Variants in FILIP1 observed in about 807,000 individuals in gnomAD.
FILIP1 encodes the protein filamin-A-interacting protein 1.
FILIP1 carries 61 observed loss-of-function variants against 102.1 expected under a neutral mutation model. That is an observed-to-expected ratio of 0.60 (90% CI 0.49 to 0.74). The LOEUF is 0.74. Ranked by LOEUF, FILIP1 falls within the 30% of genes least tolerant of loss-of-function variation. The probability of loss-of-function intolerance (pLI) is 0.00; values close to 1 mark genes in which losing one functional copy is unlikely to be tolerated. For synonymous variants in FILIP1, 491 were observed against 526.9 expected, an observed-to-expected ratio of 0.93 and a Z score of 0.93; for missense variants, 1,314 against 1,441.2, an observed-to-expected ratio of 0.91 and a Z score of 1.43.
downstream of FILIP1, among the ~76,000 whole-genome samples, chr6:75,304,967 G>A (rs1772939690): frequency 1.3e-5 from 2 of 152,204 alleles, no homozygotes; most frequent in South Asian, 4.1e-4. Flanking sequence ...GCTCACCTGG[G>A]CATGGAAGGA....
At chr6:75,372,736 A>AAAAG (rs1775603696) in intron 2 of FILIP1, among the ~76,000 whole-genome samples, 1 of 33,986 alleles carries the variant, frequency 2.9e-5, no homozygotes, top group Admixed American at 2.5e-4. Flanking sequence ...AAGAGAAAGA[A>AAAAG]AGAAAGAAAG....
intron 6 of FILIP1, among the ~76,000 whole-genome samples, chr6:75,298,151 G>T (rs190384736): frequency 1.8e-4 from 27 of 152,264 alleles, no homozygotes; most frequent in Admixed American, 1.4e-3. Flanking sequence ...CTCCATCATA[G>T]TAATAAGGGT....
chr6:75,491,603 A>C (rs551398574), intron 1 of FILIP1, among the ~76,000 whole-genome samples: 2 of 152,264 alleles, frequency 1.3e-5, no homozygotes, highest in East Asian at 3.9e-4. Context: ...TGGCAATGGA[A>C]TCTAACAACT....
chr6:75,471,282 T>C (rs963488983), intron 1 of FILIP1, among the ~76,000 whole-genome samples: 2 of 151,928 alleles, frequency 1.3e-5, no homozygotes, highest in Non-Finnish European at 2.9e-5. Context: ...GAGAAGGTAT[T>C]TCAACCTAAA....
intron 1 of FILIP1, among the ~76,000 whole-genome samples, chr6:75,483,015 G>A (rs1215023589): frequency 6.9e-6 from 1 of 144,254 alleles, no homozygotes; most frequent in African/African-American, 2.5e-5. Flanking sequence ...TTCACTTTTT[G>A]TTTGCTTTCT....
chr6:75,410,278 A>C (rs1168483093), intron 2 of FILIP1, among the ~76,000 whole-genome samples: 1 of 152,144 alleles, frequency 6.6e-6, no homozygotes, highest in Non-Finnish European at 1.5e-5. Context: ...GCTGAGAGTA[A>C]CTTATCTCAT....
At chr6:75,419,339 A>T (rs1207400997) in intron 1 of FILIP1, among the ~76,000 whole-genome samples, 4 of 152,112 alleles carry the variant, frequency 2.6e-5, no homozygotes, top group Admixed American at 2.6e-4. Context: ...TTCTGTATAA[A>T]TTAGGCTTTG....
chr6:75,429,469 C>T (rs1288626655), intron 1 of FILIP1, among the ~76,000 whole-genome samples: 3 of 152,156 alleles, frequency 2.0e-5, no homozygotes, highest in Non-Finnish European at 4.4e-5. Context: ...GGAATGGGTT[C>T]CTCAGGATGC....
chr6:75,457,603 TCAAA>T (rs1448375225), intron 1 of FILIP1, among the ~76,000 whole-genome samples: 1 of 141,742 alleles, frequency 7.1e-6, no homozygotes, highest in African/African-American at 2.8e-5. Context: ...CCTAATTATT[TCAAA>T]CAAAGTCTCT....
intron 2 of FILIP1, among the ~76,000 whole-genome samples, chr6:75,395,814 AG>A (rs1776441845): frequency 1.3e-5 from 2 of 152,166 alleles, no homozygotes; most frequent in Non-Finnish European, 2.9e-5. Flanking sequence ...ACAGAACGGA[AG>A]TTCTCTCCCC....
At chr6:75,457,717 G>T (rs540230575) in intron 1 of FILIP1, among the ~76,000 whole-genome samples, 36 of 151,630 alleles carry the variant, frequency 2.4e-4, no homozygotes, top group Middle Eastern at 6.8e-3. Flanking sequence ...GTGGCTAAAA[G>T]GAATGGTCAT....
chr6:75,489,182 T>C (rs1230051352), intron 1 of FILIP1, among the ~76,000 whole-genome samples: 1 of 152,110 alleles, frequency 6.6e-6, no homozygotes, highest in East Asian at 1.9e-4. Context: ...AGTGCAAATA[T>C]AGAAACCATA....
chr6:75,380,003 AG>A (rs1775858446), intron 2 of FILIP1, among the ~76,000 whole-genome samples: 1 of 152,194 alleles, frequency 6.6e-6, no homozygotes, highest in African/African-American at 2.4e-5. Flanking sequence ...TTGTTCAACA[AG>A]ATTTGTTTAT....
At chr6:75,389,683 A>G (rs1445545100) in intron 2 of FILIP1, among the ~76,000 whole-genome samples, 1 of 152,122 alleles carries the variant, frequency 6.6e-6, no homozygotes, top group Non-Finnish European at 1.5e-5. Context: ...GTATTCTCTG[A>G]TGGTAGTTTG....
chr6:75,377,568 A>G (rs1181389263), intron 2 of FILIP1, among the ~76,000 whole-genome samples: 2 of 152,198 alleles, frequency 1.3e-5, no homozygotes, highest in African/African-American at 2.4e-5. Context: ...CCACTTTGTA[A>G]TTACAATTGC....
intron 3 of FILIP1, chr6:75,360,730 T>A (rs1400467100): frequency 6.6e-6 from 1 of 152,218 alleles, no homozygotes; most frequent in Non-Finnish European, 1.5e-5. Context: ...GTGAGTTCTA[T>A]TGGATACCCT....
intron 1 of FILIP1, among the ~76,000 whole-genome samples, chr6:75,468,032 C>T (rs746832922): frequency 6.6e-6 from 1 of 152,172 alleles, no homozygotes; most frequent in South Asian, 2.1e-4. Context: ...AGAAACAAAG[C>T]AGCATCCTGG....
At chr6:75,322,071 C>T (rs1335041602) in intron 4 of FILIP1, among the ~76,000 whole-genome samples, 2 of 152,142 alleles carry the variant, frequency 1.3e-5, no homozygotes, top group African/African-American at 4.8e-5. Flanking sequence ...CCTCCCCAGT[C>T]GATTCAGCAT....
At chr6:75,383,702 T>A (rs1324035823) in intron 2 of FILIP1, among the ~76,000 whole-genome samples, 1 of 152,200 alleles carries the variant, frequency 6.6e-6, no homozygotes, top group East Asian at 1.9e-4. Flanking sequence ...AGACAAGTAA[T>A]GGACAAAGTG....
Sources: gnomAD v4.1 joint callset for allele counts (sites outside exome capture counted in the v4.1 genomes callset) on GRCh38, gnomAD v4.1.1 for gene constraint, MANE v1.5 for transcripts, NCBI Gene and HGNC (gene_info 2026-07-23, HGNC 2026-07-21) for gene names.